GRM7: variants seen among roughly 807,000 people sequenced by gnomAD.
GRM7 encodes glutamate metabotropic receptor 7.
Under a neutral mutation model 84.5 loss-of-function variants are expected in GRM7, and 35 were observed. That is an observed-to-expected ratio of 0.41 (90% CI 0.32 to 0.55). GRM7 has a LOEUF of 0.55. Ranked by LOEUF, GRM7 falls within the 20% of genes least tolerant of loss-of-function variation. GRM7 has a pLI of 0.19. For synonymous variants in GRM7, 487 were observed against 455.1 expected (o/e 1.07, Z -0.89); for missense variants, 1,003 against 1,194.6 (o/e 0.84, Z 2.36).
intron 1 of GRM7, among the ~76,000 whole-genome samples, chr3:7,003,935 A>C (rs1259046321): frequency 6.6e-6 from 1 of 152,142 alleles, no homozygotes; most frequent in Non-Finnish European, 1.5e-5. Flanking sequence ...TGGAGGCTCT[A>C]CTTCCTACAT....
At position 7,616,725 on chromosome 3, in the gene GRM7, T is replaced by G. The variant is rs111355519; in HGVS notation, c.2451+37368T>G. Among the ~76,000 whole-genome samples the G allele has an allele frequency of 2.5e-3, 381 of 152,300 alleles. 1 individual carries two copies. Among genetic ancestry groups the G allele is most frequent in the African/African-American group, 7.0e-3 (290 of 41,590 alleles). ...GATATATAAAAAGTCCTCAATCTTT[T>G]GATCACAATGGAAAATCCTAAAATT... On this transcript the variant is annotated intron_variant, in intron 8 of 9. Transcript: ENST00000357716.
chr3:7,465,017 C>A (rs1008961878), intron 7 of GRM7, among the ~76,000 whole-genome samples: 2 of 152,028 alleles, frequency 1.3e-5, no homozygotes, highest in African/African-American at 2.4e-5. Flanking sequence ...TGACACAATT[C>A]CATTCCGTCT....
chr3:7,533,475 A>G (rs1701121390), intron 7 of GRM7, among the ~76,000 whole-genome samples: 1 of 152,204 alleles, frequency 6.6e-6, no homozygotes, highest in South Asian at 2.1e-4. Context: ...ATGTACCAGA[A>G]TCTCTGGGAC....
chr3:7,637,856 C>T (rs1327900687), intron 8 of GRM7, among the ~76,000 whole-genome samples: 3 of 152,212 alleles, frequency 2.0e-5, no homozygotes, highest in Non-Finnish European at 2.9e-5. Context: ...CCACAGGAGC[C>T]TCTTCGGCAT....
At chr3:7,067,605 G>C (rs1697714641) in intron 1 of GRM7, among the ~76,000 whole-genome samples, 1 of 151,944 alleles carries the variant, frequency 6.6e-6, no homozygotes. Context: ...TACTCTGGTT[G>C]TTGGCAGGCA....
intron 4 of GRM7, among the ~76,000 whole-genome samples, chr3:7,314,995 T>C (rs1700532824): frequency 6.6e-6 from 1 of 152,192 alleles, no homozygotes; most frequent in South Asian, 2.1e-4. Context: ...AAGATTGTAT[T>C]CTTTGTCATG....
intron 7 of GRM7, among the ~76,000 whole-genome samples, chr3:7,504,394 C>T (rs549127467): frequency 1.3e-5 from 2 of 152,338 alleles, no homozygotes; most frequent in South Asian, 4.1e-4. Context: ...TAAGATTATA[C>T]TCCCCCATCT....
At chr3:7,370,163 T>G (rs1010827896) in intron 4 of GRM7, among the ~76,000 whole-genome samples, 4 of 152,204 alleles carry the variant, frequency 2.6e-5, no homozygotes, top group South Asian at 2.1e-4. Flanking sequence ...AAGGTTTTTT[T>G]GGGTATCTGA....
intron 2 of GRM7, among the ~76,000 whole-genome samples, chr3:7,176,455 C>A (rs1026137094): frequency 5.3e-5 from 8 of 151,838 alleles, no homozygotes; most frequent in Admixed American, 4.6e-4. Context: ...AGATGTGGCA[C>A]TTTATATTAT....
intron 1 of GRM7, among the ~76,000 whole-genome samples, chr3:7,114,928 A>G (rs1692980713): frequency 6.6e-6 from 1 of 152,096 alleles, no homozygotes. Context: ...ATGGCATGCT[A>G]TCACCCCTTG....
chr3:7,269,113 A>G (rs1010099480), intron 2 of GRM7, among the ~76,000 whole-genome samples: 6 of 152,210 alleles, frequency 3.9e-5, no homozygotes, highest in Non-Finnish European at 8.8e-5. Context: ...TCAGAACCAC[A>G]TGACCTGGAA....
intron 1 of GRM7, among the ~76,000 whole-genome samples, chr3:6,981,327 G>A (rs1440266288): frequency 1.3e-5 from 2 of 152,132 alleles, no homozygotes; most frequent in Non-Finnish European, 2.9e-5. Context: ...ACAACTTGTG[G>A]GCTTTCTTTG....
chr3:7,696,251 G>A (rs1199943717), intron 9 of GRM7, among the ~76,000 whole-genome samples: 1 of 152,150 alleles, frequency 6.6e-6, no homozygotes, highest in Non-Finnish European at 1.5e-5. Flanking sequence ...GACATATATT[G>A]TGAGCTAACA....
chr3:7,610,391 G>A (rs961304651), intron 8 of GRM7, among the ~76,000 whole-genome samples: 1 of 152,138 alleles, frequency 6.6e-6, no homozygotes, highest in African/African-American at 2.4e-5. Flanking sequence ...ATTGGTTCCA[G>A]ACTAGTTAAA....
At chr3:7,459,333 C>G (rs534440847) in intron 6 of GRM7, among the ~76,000 whole-genome samples, 1 of 152,186 alleles carries the variant, frequency 6.6e-6, no homozygotes, top group South Asian at 2.1e-4. Flanking sequence ...AGTATGAACA[C>G]TTAACCAGCA....
intron 1 of GRM7, among the ~76,000 whole-genome samples, chr3:6,965,213 G>A (rs1575075283): frequency 6.6e-6 from 1 of 152,174 alleles, no homozygotes; most frequent in Non-Finnish European, 1.5e-5. Flanking sequence ...AGCACAGAGA[G>A]GACAGAGAAA....
At chr3:6,881,986 C>T (rs1032842822) in intron 1 of GRM7, among the ~76,000 whole-genome samples, 2 of 151,090 alleles carry the variant, frequency 1.3e-5, no homozygotes, top group Admixed American at 6.6e-5. Flanking sequence ...TGGAAGTCCA[C>T]CTTAAAAATA....
chr3:7,454,631 A>C (rs1167132522), intron 6 of GRM7, among the ~76,000 whole-genome samples: 1 of 152,124 alleles, frequency 6.6e-6, no homozygotes, highest in Admixed American at 6.6e-5. Flanking sequence ...AAGCTAATCT[A>C]TGTATATAAT....
Position 7,276,551 on chromosome 3 carries a change from G to T in GRM7, c.737-22133G>T, listed in dbSNP as rs117932681. On this transcript the variant is annotated intron_variant, in intron 2 of 9. Coordinates refer to ENST00000357716, the MANE Select transcript of GRM7 (RefSeq NM_000844.4). The stretch of plus-strand genomic sequence containing the variant: ...TATAGCATGCTTCATGATCTTAGAT[G>T]AAAATGGCGGTGGTGTCGATGACTA... Among the ~76,000 whole-genome samples, 105 of 151,952 alleles carry T rather than the reference G, an allele frequency of 6.9e-4. 2 individuals are homozygous for T. In the East Asian group the frequency reaches 0.019, roughly 28 times the overall value.
Sources: allele counts gnomAD v4.1 joint callset (sites outside exome capture counted in the v4.1 genomes callset), GRCh38; gene constraint gnomAD v4.1.1; transcripts MANE v1.5; gene names NCBI Gene and HGNC (gene_info 2026-07-23, HGNC 2026-07-21).